The following PLCZ1 variants were observed in gnomAD, a reference collection of about 807,000 sequenced individuals.
The protein encoded by PLCZ1 is 1-phosphatidylinositol 4,5-bisphosphate phosphodiesterase zeta-1.
A neutral mutation model predicts 76.8 loss-of-function variants in PLCZ1; 64 were observed. The ratio of observed to expected loss-of-function variants is 0.83; its 90% CI spans 0.68 to 1.03. The LOEUF (loss-of-function observed/expected upper bound fraction) is 1.03. PLCZ1 is among the 50% of genes least tolerant of loss of function. The pLI is 0.00. For synonymous variants in PLCZ1, 248 were observed against 230.8 expected (o/e 1.07, Z -0.68); for missense variants, 751 against 713.7 (o/e 1.05, Z -0.60).
At chr12:18,655,750 G>GA in the PLCZ1 span, among the ~76,000 whole-genome samples, 65 of 145,152 alleles carry the variant, frequency 4.5e-4, no homozygotes, top group South Asian at 3.5e-3. Flanking sequence ...ACCTTATCAT[G>GA]AAAAAAAAAA....
chr12:18,726,064 T>G (rs1958733794), intron 3 of PLCZ1, among the ~76,000 whole-genome samples: 1 of 152,122 alleles, frequency 6.6e-6, no homozygotes, highest in African/African-American at 2.4e-5. Flanking sequence ...AAAAAGTGCC[T>G]GACTGAAGAT....
intron 9 of PLCZ1, 130 bp downstream of exon 9, chr12:18,701,371 T>C: frequency 6.8e-7 from 1 of 1,479,226 alleles, no homozygotes; most frequent in Middle Eastern, 1.8e-4. Flanking sequence ...TCAAAGTAAA[T>C]TGTAAATGAT....
chr12:18,647,389 C>A, the PLCZ1 span, among the ~76,000 whole-genome samples: 1 of 151,650 alleles, frequency 6.6e-6, no homozygotes, highest in Non-Finnish European at 1.5e-5. Context: ...GAAGCCCAAA[C>A]CACAGCATCA....
chr12:18,732,870 T>G (rs1256854815), intron 3 of PLCZ1, among the ~76,000 whole-genome samples: 2 of 152,244 alleles, frequency 1.3e-5, no homozygotes, highest in African/African-American at 4.8e-5. Context: ...TCATTCATAA[T>G]GGACAGTTAG....
the PLCZ1 span, among the ~76,000 whole-genome samples, chr12:18,668,713 T>C: frequency 6.6e-6 from 1 of 152,304 alleles, no homozygotes; most frequent in South Asian, 2.1e-4. Context: ...AAAGACCATT[T>C]ATCACTCTCT....
At chr12:18,737,598 G>A in intron 1 of PLCZ1, 89 bp from the exon 2 acceptor site, 1 of 664,394 alleles carries the variant, frequency 1.5e-6, no homozygotes, top group Admixed American at 2.1e-5. Flanking sequence ...CAGTATGCAA[G>A]ATGTGGTACC....
Position 18,737,968 on chromosome 12 carries a change from T to TA in PLCZ1, c.-176dup. On this transcript the variant is annotated 5_prime_UTR_variant, in exon 1 of 15. Coordinates refer to ENST00000266505, the MANE Select transcript of PLCZ1 (RefSeq NM_033123.4). ...AAGACTGTTCAGGAGGCTAAGTTCT[T>TA]AAAATCTTCAAAAGAGGTATAGCTG... 1 of 378,790 alleles carries TA rather than the reference T, an allele frequency of 2.6e-6. No homozygotes were observed. Among genetic ancestry groups the TA allele is most frequent in the Non-Finnish European group, 4.7e-6 (1 of 211,250 alleles). 23.5% of individuals were successfully genotyped at this position (378,790 alleles called of 1,614,324 possible).
At chr12:18,712,637 C>T (rs1369638710) in intron 6 of PLCZ1, among the ~76,000 whole-genome samples, 2 of 151,990 alleles carry the variant, frequency 1.3e-5, no homozygotes, top group Admixed American at 6.6e-5. Flanking sequence ...TTCCATGAAA[C>T]ACTATGTACC....
At chr12:18,709,066 G>A (rs1956984342) in intron 6 of PLCZ1, among the ~76,000 whole-genome samples, 1 of 152,030 alleles carries the variant, frequency 6.6e-6, no homozygotes, top group African/African-American at 2.4e-5. Context: ...AGCTTTTGAT[G>A]TAATATCAAA....
At position 18,705,165 on chromosome 12, in the gene PLCZ1, C is replaced by G; in HGVS notation, c.864+1G>C. The G allele has an allele frequency of 6.2e-7, 1 of 1,613,864 alleles. No individual in the cohort carries two copies. The highest frequency in any genetic ancestry group is 1.1e-5 in the South Asian group (1 of 91,074). The stretch of plus-strand genomic sequence containing the variant: ...CTGAGTTTCTCAGAAAAAAATGTTA[C>G]CTCTGGTGATGGTAGAGTATCAGGA... On this transcript the variant is annotated splice_donor_variant, in intron 7 of 14. Coordinates refer to ENST00000266505, the MANE Select transcript of PLCZ1 (RefSeq NM_033123.4). LOFTEE classifies it high-confidence loss of function.
the PLCZ1 span, among the ~76,000 whole-genome samples, chr12:18,671,406 GC>G: frequency 1.3e-5 from 2 of 151,972 alleles, no homozygotes; most frequent in African/African-American, 4.8e-5. Flanking sequence ...CGAGAGCCTG[GC>G]CCCTTTGTGT....
rs1334320857 is a variant in PLCZ1 at position 18,699,817 on chromosome 12, G to A, written c.1151C>T (p.Ala384Val). 6.2e-7 allele frequency: 1 copy of A among 1,613,292 alleles called. No individual in the cohort carries two copies. Among genetic ancestry groups the A allele is most frequent in the East Asian group, 2.2e-5 (1 of 44,760 alleles). ...NENNSIGETQ[A>V]RKLSKLRVHE... ...ACCTCGCAATTTTGAAAGTTTTCGG[G>A]CTTGTGTCTCCCCAATAGAATTATT... is the stretch of plus-strand genomic sequence containing the variant. The change falls in exon 10 of 15, where the codon GCC becomes GTC. Residue 384 changes from alanine (A) to valine (V), a missense_variant. By Grantham distance (64) the Ala-to-Val change is moderately conservative (BLOSUM62 0). Coordinates refer to ENST00000266505, the MANE Select transcript of PLCZ1 (RefSeq NM_033123.4).
chr12:18,696,010 C>A, intron 11 of PLCZ1, 140 bp downstream of exon 11: 1 of 547,930 alleles, frequency 1.8e-6, no homozygotes, highest in Non-Finnish European at 3.3e-6. Flanking sequence ...ACACATGACC[C>A]ACCATTAGTG....
chr12:18,712,345 T>C (rs1303380406), intron 6 of PLCZ1, among the ~76,000 whole-genome samples: 1 of 152,138 alleles, frequency 6.6e-6, no homozygotes, highest in African/African-American at 2.4e-5. Context: ...AATAACTATA[T>C]CGTTGAATCT....
At chr12:18,661,938 A>T in the PLCZ1 span, among the ~76,000 whole-genome samples, 1 of 152,190 alleles carries the variant, frequency 6.6e-6, no homozygotes, top group Admixed American at 6.5e-5. Flanking sequence ...ACACATCCAT[A>T]AAAAAAGAAC....
chr12:18,667,629 G>A, the PLCZ1 span, among the ~76,000 whole-genome samples: 1 of 152,140 alleles, frequency 6.6e-6, no homozygotes, highest in South Asian at 2.1e-4. Context: ...GGGGAAAGGA[G>A]TTAGCGTTTA....
the PLCZ1 span, among the ~76,000 whole-genome samples, chr12:18,674,006 A>G: frequency 0.035 from 5,356 of 152,308 alleles, 314 homozygotes; most frequent in African/African-American, 0.12. Flanking sequence ...ATAAAAGCAG[A>G]TTGTTTAAAG....
chr12:18,727,737 T>C (rs1353231739), intron 3 of PLCZ1, among the ~76,000 whole-genome samples: 1 of 152,142 alleles, frequency 6.6e-6, no homozygotes, highest in Non-Finnish European at 1.5e-5. Context: ...ATCCCATAGA[T>C]TTTCGTTCTA....
intron 2 of PLCZ1, 102 bp from the exon 3 acceptor site, chr12:18,736,446 G>T (rs1959260633): frequency 2.3e-6 from 3 of 1,323,530 alleles, no homozygotes; most frequent in South Asian, 2.8e-5. Context: ...TATTTTTAAA[G>T]AATATGTTTA....
Sources: gnomAD v4.1 joint callset for allele counts (sites outside exome capture counted in the v4.1 genomes callset) on GRCh38, gnomAD v4.1.1 for gene constraint, MANE v1.5 for transcripts, NCBI Gene and HGNC (gene_info 2026-07-23, HGNC 2026-07-21) for gene names.